Variants in MAP4K3 observed in about 807,000 individuals in gnomAD.
MAP4K3 encodes MAPK/ERK kinase kinase kinase 3.
MAP4K3 carries 94 observed loss-of-function variants against 143.5 expected under a neutral mutation model. The observed-to-expected ratio is 0.65, with a 90% confidence interval of 0.55 to 0.78. The LOEUF (loss-of-function observed/expected upper bound fraction) is 0.78. Ranked by LOEUF, MAP4K3 falls within the 30% of genes least tolerant of loss-of-function variation. MAP4K3 has a pLI of 0.00. For missense variants in MAP4K3, 1,077 were observed against 1,068.1 expected (o/e 1.01, Z -0.12); for synonymous variants, 416 against 347.2 (o/e 1.20, Z -2.20).
At chr2:39,381,996 G>C (rs1048698916) in intron 1 of MAP4K3, among the ~76,000 whole-genome samples, 3 of 152,214 alleles carry the variant, frequency 2.0e-5, no homozygotes, top group East Asian at 1.9e-4. Flanking sequence ...AAGTGGACTG[G>C]TGAGGAAAAT....
At chr2:39,259,994 A>G (rs1680501773) in intron 29 of MAP4K3, among the ~76,000 whole-genome samples, 1 of 152,214 alleles carries the variant, frequency 6.6e-6, no homozygotes, top group Admixed American at 6.5e-5. Flanking sequence ...TTATTAATAT[A>G]TACCAAATAT....
chr2:39,363,187 C>A (rs1463913042), intron 2 of MAP4K3, among the ~76,000 whole-genome samples: 2 of 152,116 alleles, frequency 1.3e-5, no homozygotes, highest in South Asian at 2.1e-4. Context: ...AAAGCACAGG[C>A]AACAAAAGCA....
At chr2:39,425,450 C>G (rs994674107) in intron 1 of MAP4K3, among the ~76,000 whole-genome samples, 4 of 152,174 alleles carry the variant, frequency 2.6e-5, no homozygotes, top group Non-Finnish European at 5.9e-5. Flanking sequence ...CTCAATGTGG[C>G]AGCATCTGGA....
chr2:39,275,034 T>C (rs991346138), intron 24 of MAP4K3, among the ~76,000 whole-genome samples: 4 of 152,224 alleles, frequency 2.6e-5, no homozygotes, highest in Non-Finnish European at 4.4e-5. Context: ...CATATACTAA[T>C]TCTTTACTCT....
intron 12 of MAP4K3, chr2:39,315,615 A>T (rs983894732): frequency 2.1e-6 from 1 of 477,562 alleles, no homozygotes; most frequent in Non-Finnish European, 3.7e-6. Context: ...TTTGTACTAG[A>T]AAGGGCACTT....
intron 1 of MAP4K3, among the ~76,000 whole-genome samples, chr2:39,421,087 C>T (rs886650653): frequency 2.6e-5 from 4 of 152,182 alleles, no homozygotes; most frequent in Admixed American, 2.6e-4. Flanking sequence ...ATTAACTGTC[C>T]ACTCTCCACC....
chr2:39,307,925 T>C lies in MAP4K3; in HGVS notation c.1119+18A>G, dbSNP rs201454509. 302 of 1,511,106 alleles carry C rather than the reference T, an allele frequency of 2.0e-4. No homozygotes were observed. The highest frequency in any genetic ancestry group is 2.5e-4 in the Non-Finnish European group (280 of 1,125,876). 93.6% of individuals were successfully genotyped at this position (1,511,106 alleles called of 1,614,324 possible). On this transcript the variant is annotated intron_variant, in intron 15 of 33. Coordinates refer to ENST00000263881, the MANE Select transcript of MAP4K3 (RefSeq NM_003618.4). ...ACTAAAACAATGCTGACAAAGAAAA[T>C]CAGAAGATGAGAAATACCAGATTAG...
chr2:39,303,838 A>G (rs1328986523), intron 15 of MAP4K3, among the ~76,000 whole-genome samples: 1 of 152,212 alleles, frequency 6.6e-6, no homozygotes, highest in African/African-American at 2.4e-5. Flanking sequence ...CGCCGGGTCA[A>G]CATAGTCTTT....
intron 1 of MAP4K3, among the ~76,000 whole-genome samples, chr2:39,396,901 C>T (rs1666824068): frequency 6.6e-6 from 1 of 152,158 alleles, no homozygotes; most frequent in South Asian, 2.1e-4. Context: ...GTAAATACAT[C>T]TCAATTTAAG....
intron 28 of MAP4K3, 140 bp downstream of exon 28, chr2:39,265,063 G>C: frequency 3.1e-6 from 2 of 640,598 alleles, no homozygotes; most frequent in South Asian, 4.3e-5. Flanking sequence ...TTACAACTGG[G>C]CAGATTTTTA....
At chr2:39,302,159 G>A (rs1235688735) in intron 15 of MAP4K3, among the ~76,000 whole-genome samples, 4 of 152,194 alleles carry the variant, frequency 2.6e-5, no homozygotes, top group South Asian at 2.1e-4. Flanking sequence ...GGCTCATATA[G>A]AGAATAACAT....
chr2:39,292,112 C>T (rs1400904700), intron 18 of MAP4K3, among the ~76,000 whole-genome samples: 2 of 151,346 alleles, frequency 1.3e-5, no homozygotes, highest in Non-Finnish European at 2.9e-5. Flanking sequence ...ATATTTACAT[C>T]CAAAGTATTT....
intron 12 of MAP4K3, among the ~76,000 whole-genome samples, chr2:39,322,978 AAGAGTATGCATACAAT>A (rs1294915458): frequency 6.6e-6 from 1 of 151,992 alleles, no homozygotes; most frequent in Non-Finnish European, 1.5e-5. Context: ...CCTTATTTTT[AAGAGTATGCATACAAT>A]AGTTCTAGTA....
At chr2:39,424,433 A>G (rs1664998528) in intron 1 of MAP4K3, among the ~76,000 whole-genome samples, 1 of 152,176 alleles carries the variant, frequency 6.6e-6, no homozygotes, top group Non-Finnish European at 1.5e-5. Context: ...ACAGGTGAAC[A>G]GTCGTGGGCC....
rs180739295 is a variant in MAP4K3 at position 39,345,708 on chromosome 2, A to G, written c.246-2256T>C. Among the ~76,000 whole-genome samples the G allele has an allele frequency of 9.5e-3, 1,448 of 152,118 alleles. 25 individuals carry two copies. Among genetic ancestry groups the G allele is most frequent in the African/African-American group, 0.033 (1,379 of 41,502 alleles). On this transcript the variant is annotated intron_variant, in intron 3 of 33. Coordinates refer to ENST00000263881, the MANE Select transcript of MAP4K3 (RefSeq NM_003618.4). Reference sequence around the variant, plus strand: ...GCCGAGGCGGGCGGATCACGAGGTCAGGAGATCGAGACCATCCTGGCTAAC... The same window carrying G: ...GCCGAGGCGGGCGGATCACGAGGTCGGGAGATCGAGACCATCCTGGCTAAC...
At chr2:39,418,180 G>A (rs562743433) in intron 1 of MAP4K3, among the ~76,000 whole-genome samples, 3 of 147,646 alleles carry the variant, frequency 2.0e-5, no homozygotes, top group Admixed American at 1.4e-4. Flanking sequence ...CTCCAGCCTG[G>A]TAACAGAACA....
intron 1 of MAP4K3, among the ~76,000 whole-genome samples, chr2:39,392,778 G>A (rs1206456690): frequency 2.6e-5 from 4 of 152,194 alleles, no homozygotes; most frequent in Admixed American, 6.5e-5. Context: ...ATAAAAGTGA[G>A]TTTGGCTCCC....
intron 12 of MAP4K3, among the ~76,000 whole-genome samples, chr2:39,322,328 T>C (rs1257379524): frequency 6.6e-6 from 1 of 152,174 alleles, no homozygotes; most frequent in Non-Finnish European, 1.5e-5. Flanking sequence ...GAGAACAGTT[T>C]TACCTTCCCG....
At chr2:39,423,974 C>T (rs1311703475) in intron 1 of MAP4K3, among the ~76,000 whole-genome samples, 1 of 152,056 alleles carries the variant, frequency 6.6e-6, no homozygotes, top group South Asian at 2.1e-4. Context: ...GACGGAGTCT[C>T]GCTCTGCTGC....
Sources: gnomAD v4.1 joint callset for allele counts (sites outside exome capture counted in the v4.1 genomes callset) on GRCh38, gnomAD v4.1.1 for gene constraint, MANE v1.5 for transcripts, NCBI Gene and HGNC (gene_info 2026-07-23, HGNC 2026-07-21) for gene names.